Variants in USPL1 observed in about 807,000 individuals in gnomAD.
The protein encoded by USPL1 is SUMO-specific isopeptidase USPL1.
A neutral mutation model predicts 51.5 loss-of-function variants in USPL1; 27 were observed. The observed-to-expected ratio is 0.52, with a 90% CI of 0.39 to 0.72. The LOEUF is 0.72. Ranked by LOEUF, USPL1 falls within the 30% of genes least tolerant of loss-of-function variation. The pLI, the probability that USPL1 is intolerant of heterozygous loss-of-function variation, is 0.00. For missense variants in USPL1, 1,226 were observed against 1,268.0 expected, an observed-to-expected ratio of 0.97 and a Z score of 0.50; for synonymous variants, 451 against 459.6, an observed-to-expected ratio of 0.98 and a Z score of 0.24.
At chr13:30,644,402 A>G (rs1045454583) in intron 6 of USPL1, among the ~76,000 whole-genome samples, 5 of 124,492 alleles carry the variant, frequency 4.0e-5, no homozygotes, top group African/African-American at 2.0e-4. Context: ...GAATGCAGGC[A>G]ACAAAGGTTT....
At chr13:30,637,669 C>A (rs1474753233) in intron 4 of USPL1, 75 bp from the exon 5 acceptor site, 2 of 1,196,414 alleles carry the variant, frequency 1.7e-6, no homozygotes, top group Admixed American at 2.3e-5. Flanking sequence ...AGCTTTCATT[C>A]TTGGGAATGT....
Position 30,630,816 on chromosome 13 carries a change from T to A in USPL1, c.229-19T>A, listed in dbSNP as rs766794290. 2 of 1,555,670 alleles carry A rather than the reference T, an allele frequency of 1.3e-6. No individual in the cohort carries two copies. Among genetic ancestry groups the A allele is most frequent in the South Asian group, 1.2e-5 (1 of 82,262 alleles). On this transcript the variant is annotated intron_variant, in intron 3 of 8. Coordinates refer to ENST00000255304, the MANE Select transcript of USPL1 (RefSeq NM_005800.5). ...ATTTGAATTTGTGTAGTTTTTATCA[T>A]TTTATTTTTACTTTCCAGTGCATCT...
rs967085606 is a variant in USPL1, at chr13:30,657,890, G to T, written c.1813G>T (p.Ala605Ser). 6.2e-7 allele frequency: 1 copy of T among 1,613,968 alleles called. No homozygotes were observed. Among genetic ancestry groups the T allele is most frequent in the Non-Finnish European group, 8.5e-7 (1 of 1,180,022 alleles). The change falls in exon 9 of 9, where the codon GCT (alanine) becomes TCT (serine). Residue 605 changes from alanine to serine, a missense_variant. Coordinates refer to ENST00000255304, the MANE Select transcript of USPL1 (RefSeq NM_005800.5). ...TASVSQLNSE[A>S]FLLENKPVAE... ...CTCAGTTTCACAGTTAAATTCTGAA[G>T]CTTTCCTGTTAGAAAATAAACCTGT...
chr13:30,642,052 G>A (rs1473229827), intron 5 of USPL1, among the ~76,000 whole-genome samples: 1 of 152,064 alleles, frequency 6.6e-6, no homozygotes, highest in East Asian at 1.9e-4. Flanking sequence ...GACTACAGGT[G>A]TGTAGCACCA....
At chr13:30,625,383 A>T (rs1392919015) in intron 3 of USPL1, among the ~76,000 whole-genome samples, 4 of 150,688 alleles carry the variant, frequency 2.7e-5, no homozygotes, top group African/African-American at 9.8e-5. Flanking sequence ...CCCAGGAGTT[A>T]GGTTTTTGGC....
chr13:30,620,463 A>G (rs947019030), intron 1 of USPL1, among the ~76,000 whole-genome samples: 5 of 152,344 alleles, frequency 3.3e-5, no homozygotes, highest in Middle Eastern at 3.4e-3. Context: ...AGCTTGCCAC[A>G]TATGTAATTT....
chr13:30,656,839 A>G, intron 8 of USPL1, among the ~76,000 whole-genome samples: 1 of 145,406 alleles, frequency 6.9e-6, no homozygotes, highest in South Asian at 2.2e-4. Context: ...GCTATTTTCT[A>G]TTTTTTTTTA....
intron 7 of USPL1, among the ~76,000 whole-genome samples, chr13:30,652,906 G>A (rs1360654344): frequency 3.3e-5 from 5 of 152,194 alleles, no homozygotes; most frequent in Admixed American, 2.0e-4. Context: ...CTGTGTTAGA[G>A]TCATACTGCA....
chr13:30,640,708 C>CT (rs1299641477), intron 5 of USPL1, among the ~76,000 whole-genome samples: 4 of 152,088 alleles, frequency 2.6e-5, no homozygotes, highest in Admixed American at 6.6e-5. Flanking sequence ...AACAAAAAAA[C>CT]TTTTTTTAAT....
chr13:30,647,017 T>A lies in USPL1; in HGVS notation c.1198T>A (p.Cys400Ser), dbSNP rs771502615. 1 of 1,613,368 alleles carries A rather than the reference T, an allele frequency of 6.2e-7. No individual in the cohort carries two copies. Among genetic ancestry groups the A allele is most frequent in the South Asian group, 1.1e-5 (1 of 91,056 alleles). The change falls in exon 7 of 9, where the codon TGC becomes AGC. Residue 400 changes from cysteine to serine, a missense_variant. Cys to Ser is a moderately radical substitution (Grantham distance 112). Coordinates refer to ENST00000255304, the MANE Select transcript of USPL1 (RefSeq NM_005800.5). ...TGCCCATTTTGGTCCATGTAACAATTGCAACAGTAAATCACAAATAAGAAA... is the reference window on the plus strand; with the variant it reads ...TGCCCATTTTGGTCCATGTAACAATAGCAACAGTAAATCACAAATAAGAAA... ...NAAHFGPCNN[C>S]NSKSQIRKMV...
chr13:30,656,106 A>G (rs1951159778), intron 8 of USPL1, among the ~76,000 whole-genome samples: 1 of 152,230 alleles, frequency 6.6e-6, no homozygotes, highest in South Asian at 2.1e-4. Context: ...ATCATGTGGT[A>G]GTAAGTAAAA....
intron 8 of USPL1, 148 bp downstream of exon 8, chr13:30,653,453 C>G: frequency 1.3e-6 from 1 of 752,542 alleles, no homozygotes; most frequent in East Asian, 2.9e-5. Context: ...TTCTGCCCCT[C>G]CTCGCATCTA....
intron 2 of USPL1, 96 bp from the exon 3 acceptor site, chr13:30,621,668 A>G: frequency 9.8e-7 from 1 of 1,020,570 alleles, no homozygotes; most frequent in Non-Finnish European, 1.3e-6. Flanking sequence ...GTAATTGAAA[A>G]TTATAATTTT....
In USPL1 at chr13:30,653,236, T is replaced by A; in HGVS notation, c.1327T>A (p.Tyr443Asn). 6.2e-7 allele frequency: 1 copy of A among 1,613,094 alleles called. No homozygotes were observed. Among genetic ancestry groups the A allele is most frequent in the Non-Finnish European group, 8.5e-7 (1 of 1,179,330 alleles). ...TGCATTTCATTTTGAAGGCTGTCTTTATCAGATAACTTCTGTAATTCAGTA... is the reference window on the plus strand; with the variant it reads ...TGCATTTCATTTTGAAGGCTGTCTTAATCAGATAACTTCTGTAATTCAGTA... ...HYAFHFEGCL[Y>N]QITSVIQYRA... Residue 443 changes from tyrosine (Y) to asparagine (N), a missense_variant, in exon 8 of 9, where the codon TAT (tyrosine) becomes AAT (asparagine). By Grantham distance (143) the Tyr-to-Asn change is moderately radical. Coordinates refer to ENST00000255304, the MANE Select transcript of USPL1 (RefSeq NM_005800.5).
intron 3 of USPL1, among the ~76,000 whole-genome samples, chr13:30,625,600 C>T (rs1950704906): frequency 6.6e-6 from 1 of 151,818 alleles, no homozygotes; most frequent in East Asian, 1.9e-4. Context: ...CATGTGCCAC[C>T]CAGCCCAGCT....
chr13:30,639,220 ATG>A (rs1168323781), intron 5 of USPL1, among the ~76,000 whole-genome samples: 1 of 100,370 alleles, frequency 1.0e-5, no homozygotes, highest in African/African-American at 6.5e-5. Flanking sequence ...GTCTCAAAAA[ATG>A]TATATATATA....
At position 30,657,952 on chromosome 13, in the gene USPL1, G is replaced by T. The variant is rs1951188732; in HGVS notation, c.1875G>T (p.Leu625Phe). 6.2e-7 allele frequency: 1 copy of T among 1,613,614 alleles called. No individual in the cohort carries two copies. The highest frequency in any genetic ancestry group is 1.3e-5 in the African/African-American group (1 of 75,048). ...CAGGAATTCTCAAAACCAATACTTTGCTATCACAAGAATCACTAATGGCTT... is the reference window on the plus strand; with the variant it reads ...CAGGAATTCTCAAAACCAATACTTTTCTATCACAAGAATCACTAATGGCTT... ...ENTGILKTNTLLSQESLMASS... is the reference protein window; with the variant it reads ...ENTGILKTNTFLSQESLMASS... The change falls in exon 9 of 9, where the codon TTG becomes TTT. Residue 625 changes from leucine to phenylalanine, a missense_variant. Transcript: ENST00000255304.
At chr13:30,648,007 C>G (rs1279667279) in intron 7 of USPL1, among the ~76,000 whole-genome samples, 1 of 152,112 alleles carries the variant, frequency 6.6e-6, no homozygotes, top group Non-Finnish European at 1.5e-5. Flanking sequence ...AGTCTGTTCT[C>G]CTTTTATAGT....
chr13:30,648,094 G>T (rs1441155035), intron 7 of USPL1, among the ~76,000 whole-genome samples: 4 of 152,110 alleles, frequency 2.6e-5, no homozygotes, highest in Admixed American at 2.6e-4. Context: ...CAATGCAATT[G>T]CGTATTTGGC....
Sources: gnomAD v4.1 joint callset for allele counts (sites outside exome capture counted in the v4.1 genomes callset) on GRCh38, gnomAD v4.1.1 for gene constraint, MANE v1.5 for transcripts, NCBI Gene and HGNC (gene_info 2026-07-23, HGNC 2026-07-21) for gene names.